The following SPSB3 variants were observed in gnomAD, a reference collection of about 807,000 sequenced individuals.
The protein encoded by SPSB3 is SPRY domain-containing SOCS box protein 3.
A neutral mutation model predicts 29.5 loss-of-function variants in SPSB3; 18 were observed. That is an observed-to-expected ratio of 0.61 (90% CI 0.42 to 0.91). SPSB3 has a LOEUF of 0.91. Ranked by LOEUF, SPSB3 falls within the 40% of genes least tolerant of loss-of-function variation. The pLI is 0.00. For missense variants in SPSB3, 540 were observed against 507.5 expected, an observed-to-expected ratio of 1.06 and a Z score of -0.61; for synonymous variants, 299 against 214.1, an observed-to-expected ratio of 1.40 and a Z score of -3.46.
At position 1,778,501 on chromosome 16, in the gene SPSB3, A is replaced by C; in HGVS notation, c.238T>G (p.Ser80Ala). Residue 80 changes from serine (S) to alanine (A), a missense_variant, in exon 3 of 7, where the codon TCC becomes GCC. Transcript: ENST00000566339. ...GCCGAGTGCAGGCTGCTACAGAAGG[A>C]GGCCTCGCTCTGCCCAGCACAGTCA... ...FCDCAGQSEA[S>A]FCSSLHSAHR... is the part of the protein sequence containing the mutation. The C allele has an allele frequency of 2.5e-6, 4 of 1,612,066 alleles. No homozygotes were observed. The highest frequency in any genetic ancestry group is 2.5e-6 in the Non-Finnish European group (3 of 1,179,626).
At position 1,777,730 on chromosome 16, in the gene SPSB3, T is replaced by A. The variant is rs2042735007; in HGVS notation, c.721+17A>T. On this transcript the variant is annotated intron_variant, in intron 6 of 6. Coordinates refer to ENST00000566339, the MANE Select transcript of SPSB3 (RefSeq NM_080861.4). ...GGGTGACAGCTGAGAGGAGCTCAAG[T>A]CCTGTGACGGCCTCACCTATACACT... The A allele has an allele frequency of 6.2e-7, 1 of 1,610,580 alleles. No individual in the cohort carries two copies. Among genetic ancestry groups the A allele is most frequent in the Non-Finnish European group, 8.5e-7 (1 of 1,178,946 alleles).
In SPSB3 at chr16:1,781,560, G is replaced by A; in HGVS notation, c.-12-65C>T. 5.2e-6 allele frequency: 8 copies of A among 1,546,936 alleles called. No homozygotes were observed. In the South Asian group the frequency reaches 6.1e-5, roughly 12 times the overall value. ...AGCACTCCCAGCCCTGAGCTTCCAG[G>A]CTGGGCCACGGACCCACTCAAAGTG... On this transcript the variant is annotated intron_variant, in intron 1 of 6. Transcript: ENST00000566339.
At chr16:1,781,209 A>G in intron 2 of SPSB3, 149 bp downstream of exon 2, 1 of 1,568,128 alleles carries the variant, frequency 6.4e-7, no homozygotes, top group Non-Finnish European at 8.6e-7. Context: ...CGGTGCATCC[A>G]GGAGACAGGC....
intron 6 of SPSB3, 96 bp downstream of exon 6, chr16:1,777,651 C>G: frequency 1.3e-6 from 2 of 1,553,910 alleles, no homozygotes; most frequent in Non-Finnish European, 1.7e-6. Context: ...GGGAGGAACC[C>G]TTTCAGAAAA....
At chr16:1,781,283 G>A (rs767664829) in intron 2 of SPSB3, 75 bp downstream of exon 2, 15 of 1,611,760 alleles carry the variant, frequency 9.3e-6, no homozygotes, top group East Asian at 6.7e-5. Flanking sequence ...CCGTGTTCAG[G>A]TAATGTCTGC....
At chr16:1,779,582 C>T (rs1158698570) in intron 2 of SPSB3, 1 of 152,406 alleles carries the variant, frequency 6.6e-6, no homozygotes, top group Non-Finnish European at 1.5e-5. Flanking sequence ...GCCCAGACAA[C>T]TCTACCCCAC....
chr16:1,778,368 C>T, intron 3 of SPSB3, 47 bp from the exon 4 acceptor site: 1 of 1,609,658 alleles, frequency 6.2e-7, no homozygotes, highest in Non-Finnish European at 8.5e-7. Context: ...CTCCATGGGG[C>T]TCTGCCCTGC....
At position 1,777,890 on chromosome 16, in the gene SPSB3, C is replaced by G. The variant is rs559627334; in HGVS notation, c.596-18G>C. 1.2e-6 allele frequency: 2 copies of G among 1,611,876 alleles called. No individual in the cohort carries two copies. Among genetic ancestry groups the G allele is most frequent in the East Asian group, 2.2e-5 (1 of 44,854 alleles). On this transcript the variant is annotated intron_variant, in intron 5 of 6. Coordinates refer to ENST00000566339, the MANE Select transcript of SPSB3 (RefSeq NM_080861.4). ...GAGGAGGCCTGGGGGCAGCCAGGGT[C>G]GCAGTGAGCCCGGGAGCTCCAGGCT...
chr16:1,782,398 G>A (rs1194348034), intron 1 of SPSB3, 104 bp downstream of exon 1: 1 of 151,882 alleles, frequency 6.6e-6, no homozygotes, highest in Non-Finnish European at 1.5e-5. Context: ...CGGCCCTCCG[G>A]AGAGGAACAA....
Position 1,778,190 on chromosome 16 carries a change from C to A in SPSB3, c.436G>T (p.Glu146Ter). Residue 146 changes from glutamate (E) to a stop codon, truncating the protein, a stop_gained, in exon 4 of 7, where the codon GAG becomes TAG. Transcript: ENST00000566339. LOFTEE classifies it high-confidence loss of function. ...AAIRGTKELG[E>*]GQHFWEIKMT... ...TTGATCTCCCAGAAGTGCTGGCCCT[C>A]CCCCAGCTCCTTGGTGCCCCGGATG... 5 of 1,612,918 alleles carry A rather than the reference C, an allele frequency of 3.1e-6. No homozygotes were observed. The highest frequency in any genetic ancestry group is 4.2e-6 in the Non-Finnish European group (5 of 1,179,920).
intron 2 of SPSB3, chr16:1,781,088 C>A (rs1380867611): frequency 6.2e-6 from 8 of 1,280,442 alleles, no homozygotes; most frequent in African/African-American, 3.0e-5. Context: ...CCTCTCCATG[C>A]ACCATGTGTT....
chr16:1,782,345 C>CG (rs573624347), intron 1 of SPSB3, 157 bp downstream of exon 1: 4 of 151,786 alleles, frequency 2.6e-5, no homozygotes, highest in African/African-American at 9.6e-5. Flanking sequence ...CGCGGGCGCG[C>CG]GGGTTCCGGA....
Position 1,777,145 on chromosome 16 carries a change from G to A in SPSB3, c.1020C>T (p.Ser340=). 1.9e-6 allele frequency: 3 copies of A among 1,611,582 alleles called. No homozygotes were observed. The highest frequency in any genetic ancestry group is 2.2e-5 in the South Asian group (2 of 91,060). The change falls in exon 7 of 7, where the codon AGC becomes AGT. Residue 340 remains serine (S), a synonymous_variant. Coordinates refer to ENST00000566339, the MANE Select transcript of SPSB3 (RefSeq NM_080861.4). ...TCTGGCAGGGCCGAGGCTCGCGACTGCTGGGGTGGGCGGAGGTCGCTGCCT... is the reference window on the plus strand; with the variant it reads ...TCTGGCAGGGCCGAGGCTCGCGACTACTGGGGTGGGCGGAGGTCGCTGCCT... ...DPQAATSAHP[S]SREPRPCQRK... is the part of the protein sequence containing the mutation.
In SPSB3 at chr16:1,777,059, T is replaced by C. The variant is rs780821752; in HGVS notation, c.*38A>G. ...GAAAGAAGGGACAGAGGAAAGGGGC[T>C]GTCCCAGCCCAAGAAGGCAGTTCCA... On this transcript the variant is annotated 3_prime_UTR_variant, in exon 7 of 7. Coordinates refer to ENST00000566339, the MANE Select transcript of SPSB3 (RefSeq NM_080861.4). The C allele has an allele frequency of 1.3e-6, 2 of 1,592,472 alleles. No individual in the cohort carries two copies. Among genetic ancestry groups the C allele is most frequent in the African/African-American group, 1.3e-5 (1 of 74,614 alleles).
rs779482664 is a variant in SPSB3 at position 1,777,753 on chromosome 16, A to G, written c.715T>C (p.Cys239Arg). Residue 239 changes from cysteine to arginine, a missense_variant, in exon 6 of 7, where the codon TGT becomes CGT. Physicochemically the swap from Cys to Arg is radical, Grantham distance 180. Transcript: ENST00000566339. ...GTLTFFKNRKCIGVAATKLQN... is the reference protein window; with the variant it reads ...GTLTFFKNRKRIGVAATKLQN... ...AGTCCTGTGACGGCCTCACCTATAC[A>G]CTTCCTGTTCTTGAAAAAGGTGAGT... The G allele has an allele frequency of 7.4e-6, 12 of 1,612,136 alleles. No individual in the cohort carries two copies. The South Asian group carries it at 8.8e-5, about 12-fold the overall frequency.
At chr16:1,781,749 G>C in intron 1 of SPSB3, 1 of 517,230 alleles carries the variant, frequency 1.9e-6, no homozygotes. Context: ...CCCTCTCTCC[G>C]GTTCCACCTC....
rs1409920615 is a variant in SPSB3, at chr16:1,776,937, A to T, written c.*160T>A. 15 of 820,078 alleles carry T rather than the reference A, an allele frequency of 1.8e-5. No individual in the cohort carries two copies. The African/African-American group carries it at 1.9e-4, about 10-fold the overall frequency. The allele number at this position is 820,078 out of a possible 1,614,324, so 50.8% of individuals were successfully genotyped here. A position where few individuals can be genotyped will look rare whatever the true frequency, so the allele number is the denominator to read the frequency against. On this transcript the variant is annotated 3_prime_UTR_variant, in exon 7 of 7. Transcript: ENST00000566339. ...AGCAGAGGGGCCCTAGAGCCCCCAC[A>T]GAAAGGACTGTCCCAGCCTCGGGAG...
chr16:1,779,480 C>G (rs1896641715), intron 2 of SPSB3: 1 of 152,456 alleles, frequency 6.6e-6, no homozygotes, highest in Non-Finnish European at 1.5e-5. Flanking sequence ...GCGCCACCAG[C>G]TTCCAGGTGA....
chr16:1,777,555 G>C lies in SPSB3; in HGVS notation c.722-112C>G. On this transcript the variant is annotated intron_variant, in intron 6 of 6. Transcript: ENST00000566339. ...CCGGGTGGGCAGCTGGCACAGCTGA[G>C]GCAAGGCAGGGTGCACGCGCTGGCC... 12 of 1,355,230 alleles carry C rather than the reference G, an allele frequency of 8.9e-6. No homozygotes were observed. The South Asian group carries it at 1.8e-4, about 20-fold the overall frequency. 84.0% of individuals were successfully genotyped at this position (1,355,230 alleles called of 1,614,324 possible).
Sources: allele counts gnomAD v4.1 joint callset, GRCh38; gene constraint gnomAD v4.1.1; transcripts MANE v1.5; gene names NCBI Gene and HGNC (gene_info 2026-07-23, HGNC 2026-07-21).